SRBD1: variants seen among roughly 807,000 people sequenced by gnomAD.
SRBD1 encodes S1 RNA-binding domain-containing protein 1.
In SRBD1, 88 loss-of-function variants were observed where a neutral mutation model predicts 115.3. That is an observed-to-expected ratio of 0.76 (90% CI 0.64 to 0.91). The LOEUF is 0.91. Among genes scored for constraint, SRBD1 ranks in the 40% least tolerant of loss-of-function variants. SRBD1 has a pLI of 0.00. For synonymous variants in SRBD1, 509 were observed against 407.7 expected, an observed-to-expected ratio of 1.25 and a Z score of -2.99; for missense variants, 1,385 against 1,177.4, an observed-to-expected ratio of 1.18 and a Z score of -2.58.
chr2:45,517,657 T>C (rs1425757048), intron 14 of SRBD1, among the ~76,000 whole-genome samples: 2 of 152,170 alleles, frequency 1.3e-5, no homozygotes, highest in Non-Finnish European at 2.9e-5. Context: ...TTATATTTTA[T>C]TTTTTTCTAT....
At chr2:45,551,402 T>C (rs1672295467) in intron 11 of SRBD1, 120 bp from the exon 12 acceptor site, 1 of 1,033,294 alleles carries the variant, frequency 9.7e-7, no homozygotes, top group Middle Eastern at 3.2e-4. Context: ...ACAATATAAC[T>C]TAAGAGAAAA....
At chr2:45,437,966 T>C (rs566401526) in intron 16 of SRBD1, among the ~76,000 whole-genome samples, 3 of 152,342 alleles carry the variant, frequency 2.0e-5, no homozygotes, top group South Asian at 4.1e-4. Flanking sequence ...TAGGTTATTA[T>C]CTGTTTGTCT....
chr2:45,506,851 T>A lies in SRBD1; in HGVS notation c.1875-18520A>T, dbSNP rs115761272. Among the ~76,000 whole-genome samples the A allele has an allele frequency of 8.9e-3, 1,355 of 152,338 alleles. 17 individuals are homozygous for A. The highest frequency in any genetic ancestry group is 0.014 in the Non-Finnish European group (922 of 68,028). On this transcript the variant is annotated intron_variant, in intron 14 of 20. Coordinates refer to ENST00000263736, the MANE Select transcript of SRBD1 (RefSeq NM_018079.5). ...AGTGTTTTCTAAATTAATTTCTTAT[T>A]CACCATTTAGTCTGCAGGTTTCCAG... is the stretch of plus-strand genomic sequence containing the variant.
At chr2:45,477,562 T>C (rs1417752687) in intron 15 of SRBD1, among the ~76,000 whole-genome samples, 3 of 152,192 alleles carry the variant, frequency 2.0e-5, no homozygotes, top group Non-Finnish European at 4.4e-5. Flanking sequence ...AAGTTCCTTT[T>C]TTTTAGAGAT....
chr2:45,582,644 T>A (rs900689128), intron 5 of SRBD1, among the ~76,000 whole-genome samples: 2 of 152,136 alleles, frequency 1.3e-5, no homozygotes, highest in African/African-American at 4.8e-5. Flanking sequence ...AATGTTCAAA[T>A]TTTTCCAGAT....
At chr2:45,492,656 G>T (rs1004075130) in intron 14 of SRBD1, among the ~76,000 whole-genome samples, 1 of 152,042 alleles carries the variant, frequency 6.6e-6, no homozygotes, top group Non-Finnish European at 1.5e-5. Flanking sequence ...AGCCACGATG[G>T]TCTCGATCTC....
At chr2:45,567,530 G>A (rs1672869451) in intron 9 of SRBD1, among the ~76,000 whole-genome samples, 1 of 151,828 alleles carries the variant, frequency 6.6e-6, no homozygotes, top group African/African-American at 2.4e-5. Context: ...AATGCCTTCA[G>A]CCCGCAAGGC....
At chr2:45,523,064 T>C (rs1671335553) in intron 14 of SRBD1, among the ~76,000 whole-genome samples, 1 of 151,858 alleles carries the variant, frequency 6.6e-6, no homozygotes, top group Non-Finnish European at 1.5e-5. Flanking sequence ...ACTCAACATG[T>C]GTATGAAACA....
intron 14 of SRBD1, among the ~76,000 whole-genome samples, chr2:45,509,585 G>T (rs965513317): frequency 3.3e-5 from 4 of 121,160 alleles, no homozygotes; most frequent in Admixed American, 9.2e-5. Flanking sequence ...GACACAGCAA[G>T]ACTCCGTCTC....
chr2:45,532,642 T>G (rs186882073), intron 14 of SRBD1, among the ~76,000 whole-genome samples: 5 of 151,872 alleles, frequency 3.3e-5, no homozygotes, highest in East Asian at 1.9e-4. Flanking sequence ...TCCTTCAAAA[T>G]GCAAGTGCTA....
chr2:45,447,740 G>C (rs1356851505), intron 16 of SRBD1: 1 of 152,148 alleles, frequency 6.6e-6, no homozygotes, highest in Non-Finnish European at 1.5e-5. Context: ...TATACACTTA[G>C]ATAGTTATTG....
chr2:45,414,894 T>TAC (rs1157352470), intron 18 of SRBD1, among the ~76,000 whole-genome samples: 5 of 95,622 alleles, frequency 5.2e-5, no homozygotes, highest in African/African-American at 4.2e-4. Context: ...ATATAGTATG[T>TAC]ACACACACAT....
chr2:45,522,008 G>C (rs200280076), intron 14 of SRBD1, among the ~76,000 whole-genome samples: 1 of 151,758 alleles, frequency 6.6e-6, no homozygotes, highest in African/African-American at 2.4e-5. Context: ...AAAAAAAAAG[G>C]AGAAAGCAGA....
intron 14 of SRBD1, among the ~76,000 whole-genome samples, chr2:45,514,748 G>A (rs377706460): frequency 3.7e-4 from 57 of 152,202 alleles, no homozygotes; most frequent in Admixed American, 1.4e-3. Flanking sequence ...ATTTCCAGAG[G>A]AAACACCTAT....
chr2:45,601,176 T>A (rs906151487), intron 3 of SRBD1, among the ~76,000 whole-genome samples: 1 of 152,234 alleles, frequency 6.6e-6, no homozygotes, highest in African/African-American at 2.4e-5. Flanking sequence ...GTGACAAGCA[T>A]AATGCCTAGA....
At chr2:45,455,081 G>C (rs1438308293) in intron 16 of SRBD1, among the ~76,000 whole-genome samples, 1 of 151,700 alleles carries the variant, frequency 6.6e-6, no homozygotes, top group Non-Finnish European at 1.5e-5. Flanking sequence ...ACACTTCTTA[G>C]TTTGCTATAA....
intron 10 of SRBD1, among the ~76,000 whole-genome samples, chr2:45,562,358 C>T (rs1672693027): frequency 1.3e-5 from 2 of 152,036 alleles, no homozygotes; most frequent in Admixed American, 1.3e-4. Flanking sequence ...TCCTAAGTAG[C>T]GGGGATTACA....
chr2:45,606,685 T>A (rs2104268645), intron 1 of SRBD1, among the ~76,000 whole-genome samples: 1 of 152,262 alleles, frequency 6.6e-6, no homozygotes, highest in East Asian at 1.9e-4. Flanking sequence ...TTAAGACAAA[T>A]AACCAGAGAC....
rs59246865 is a variant in SRBD1, at chr2:45,418,687, A to C, written c.2157-146T>G. On this transcript the variant is annotated intron_variant, in intron 17 of 20. Coordinates refer to ENST00000263736, the MANE Select transcript of SRBD1 (RefSeq NM_018079.5). ...TCCAAAAGGGAGTTTAAAAAAAAAA[A>C]CAAAAAAAAAACGGAGAAAAAAAGA... 28,395 of 434,198 alleles carry C rather than the reference A, an allele frequency of 0.065. 1,080 individuals are homozygous for C. The highest frequency in any genetic ancestry group is 0.21 in the African/African-American group (8,907 of 43,348). The allele number at this position is 434,198 out of a possible 1,614,324, so 26.9% of individuals were successfully genotyped here.
Sources: gnomAD v4.1 joint callset for allele counts (sites outside exome capture counted in the v4.1 genomes callset) on GRCh38, gnomAD v4.1.1 for gene constraint, MANE v1.5 for transcripts, NCBI Gene and HGNC (gene_info 2026-07-23, HGNC 2026-07-21) for gene names.